PPP1R1B: variants seen among roughly 807,000 people sequenced by gnomAD.
PPP1R1B encodes protein phosphatase 1 regulatory subunit 1B.
In PPP1R1B, 13 loss-of-function variants were observed where a neutral mutation model predicts 28.2. That is an observed-to-expected ratio of 0.46 (90% CI 0.30 to 0.73). The LOEUF is 0.73. Ranked by LOEUF, PPP1R1B falls within the 30% of genes least tolerant of loss-of-function variation. The pLI, the probability that PPP1R1B is intolerant of heterozygous loss-of-function variation, is 0.07. For missense variants in PPP1R1B, 236 were observed against 256.7 expected (o/e 0.92, Z 0.55); for synonymous variants, 102 against 97.5 (o/e 1.05, Z -0.27).
chr17:39,633,644 T>A, intron 4 of PPP1R1B: 1 of 513,862 alleles, frequency 1.9e-6, no homozygotes, highest in South Asian at 2.1e-5. Flanking sequence ...GCCTGGGGGC[T>A]AGCATCTTAG....
At chr17:39,629,119 G>A in intron 1 of PPP1R1B, 51 bp from the exon 2 acceptor site, 4 of 1,559,466 alleles carry the variant, frequency 2.6e-6, no homozygotes, top group Non-Finnish European at 2.6e-6. Context: ...GCCTGGGGGT[G>A]GGGGAGGGCT....
chr17:39,634,584 G>A (rs536998762), intron 5 of PPP1R1B, among the ~76,000 whole-genome samples: 1 of 152,178 alleles, frequency 6.6e-6, no homozygotes, highest in East Asian at 1.9e-4. Flanking sequence ...GAGTGGGAGG[G>A]TGCCCTCTAG....
Position 39,633,884 on chromosome 17 carries a change from T to C in PPP1R1B, c.243T>C (p.Ala81=). The change falls in exon 5 of 7, where the codon GCT becomes GCC. Residue 81 remains alanine (A), a splice_region_variant and synonymous_variant. Coordinates refer to ENST00000254079, the MANE Select transcript of PPP1R1B (RefSeq NM_032192.4). ...PCAYTPPSLK[A]VQRIAESHLQ... is the part of the protein sequence containing the mutation. ...TTTCCTCGGTCTCCTCTGTGCCAGC[T>C]GTGCAGCGCATTGCTGAGTCTCACC... 1 of 1,613,564 alleles carries C rather than the reference T, an allele frequency of 6.2e-7. No individual in the cohort carries two copies. Among genetic ancestry groups the C allele is most frequent in the Non-Finnish European group, 8.5e-7 (1 of 1,179,768 alleles).
chr17:39,633,902 G>A lies in PPP1R1B; in HGVS notation c.261G>A (p.Glu87=), dbSNP rs150025624. 6 of 1,613,676 alleles carry A rather than the reference G, an allele frequency of 3.7e-6. No individual in the cohort carries two copies. Among genetic ancestry groups the A allele is most frequent in the African/African-American group, 2.7e-5 (2 of 74,940 alleles). Residue 87 remains glutamate, a synonymous_variant, in exon 5 of 7, where the codon GAG becomes GAA. Coordinates refer to ENST00000254079, the MANE Select transcript of PPP1R1B (RefSeq NM_032192.4). ...TGCCAGCTGTGCAGCGCATTGCTGA[G>A]TCTCACCTGCAGTCTATCAGCAATT... is the stretch of plus-strand genomic sequence containing the variant. The part of the protein sequence containing the change: ...PSLKAVQRIA[E]SHLQSISNLN...
chr17:39,628,414 A>C, intron 1 of PPP1R1B: 3 of 592,342 alleles, frequency 5.1e-6, no homozygotes, highest in Non-Finnish European at 6.0e-6. Flanking sequence ...ATTAACTGAC[A>C]GTTGGTCTGA....
chr17:39,635,206 A>C (rs2056908245), intron 5 of PPP1R1B, among the ~76,000 whole-genome samples: 1 of 152,074 alleles, frequency 6.6e-6, no homozygotes, highest in Non-Finnish European at 1.5e-5. Flanking sequence ...AAAAACAAAA[A>C]CAAAAAACCA....
In PPP1R1B at chr17:39,627,233, C is replaced by T. The variant is rs1191637960; in HGVS notation, c.-160C>T. On this transcript the variant is annotated 5_prime_UTR_variant, in exon 1 of 7. Coordinates refer to ENST00000254079, the MANE Select transcript of PPP1R1B (RefSeq NM_032192.4). ...CGGGCGCCGACCCTCCTCCCGCTCC[C>T]GCGCCCTCCCCTCGGCGGGCACGGT... is the stretch of plus-strand genomic sequence containing the variant. The T allele has an allele frequency of 5.6e-6, 3 of 539,708 alleles. No individual in the cohort carries two copies. The highest frequency in any genetic ancestry group is 3.6e-5 in the East Asian group (1 of 28,156). 33.4% of individuals were successfully genotyped at this position (539,708 alleles called of 1,614,324 possible).
In PPP1R1B at chr17:39,630,050, A is replaced by G; in HGVS notation, c.241+3A>G. The G allele has an allele frequency of 6.2e-7, 1 of 1,613,850 alleles. No individual in the cohort carries two copies. On this transcript the variant is annotated splice_donor_region_variant and intron_variant, in intron 4 of 6. Coordinates refer to ENST00000254079, the MANE Select transcript of PPP1R1B (RefSeq NM_032192.4). The stretch of plus-strand genomic sequence containing the variant: ...CTACACACCACCTTCGCTGAAAGGT[A>G]CTATACCCCCACCGACCTTCCTGGC...
rs33938012 is a variant in PPP1R1B, at chr17:39,628,947, T to G, written c.82-223T>G. On this transcript the variant is annotated intron_variant, in intron 1 of 6. Transcript: ENST00000254079. ...GGGTTTTTCTCGTCCTTTGGACTTGTTGTGCTGTGTGGCCTTAAGCACATT... is the reference window on the plus strand; with the variant it reads ...GGGTTTTTCTCGTCCTTTGGACTTGGTGTGCTGTGTGGCCTTAAGCACATT... Among the ~76,000 whole-genome samples the G allele has an allele frequency of 0.1, 15,697 of 152,228 alleles. 1,741 individuals are homozygous for G. The highest frequency in any genetic ancestry group is 0.28 in the African/African-American group (11,671 of 41,502).
Position 39,627,295 on chromosome 17 carries a change from T to C in PPP1R1B, c.-98T>C. On this transcript the variant is annotated 5_prime_UTR_variant, in exon 1 of 7. Coordinates refer to ENST00000254079, the MANE Select transcript of PPP1R1B (RefSeq NM_032192.4). The stretch of plus-strand genomic sequence containing the variant: ...TGCGCGAACAGCCCTCCTCCTCCTC[T>C]CGCCGCACAGCCCGCCGCCTGCGCG... 1.3e-6 allele frequency: 1 copy of C among 797,478 alleles called. No homozygotes were observed. The highest frequency in any genetic ancestry group is 1.9e-5 in the South Asian group (1 of 53,402). 49.4% of individuals were successfully genotyped at this position (797,478 alleles called of 1,614,324 possible). A position where few individuals can be genotyped will look rare whatever the true frequency, so the allele number is the denominator to read the frequency against.
chr17:39,636,130 C>T lies in PPP1R1B; in HGVS notation c.*265C>T. The T allele has an allele frequency of 1.9e-6, 1 of 521,168 alleles. No homozygotes were observed. The highest frequency in any genetic ancestry group is 2.3e-5 in the South Asian group (1 of 43,394). The allele number at this position is 521,168 out of a possible 1,614,324, so 32.3% of individuals were successfully genotyped here. On this transcript the variant is annotated 3_prime_UTR_variant, in exon 7 of 7. Transcript: ENST00000254079. ...GCGGGAGGTGGGATGTGAGACAGCC[C>T]ACATTGGAAAATCCAGAAAACCGGG...
At chr17:39,628,759 C>T in intron 1 of PPP1R1B, 5 of 976,080 alleles carry the variant, frequency 5.1e-6, no homozygotes, top group Non-Finnish European at 6.1e-6. Context: ...CCCCAGAGGG[C>T]CCAGCCGTGG....
At chr17:39,629,353 G>A in intron 2 of PPP1R1B, 123 bp downstream of exon 2, 1 of 1,287,312 alleles carries the variant, frequency 7.8e-7, no homozygotes. Flanking sequence ...TAAGGTCTGG[G>A]AACCCAACTC....
At position 39,627,136 on chromosome 17, in the gene PPP1R1B, G is replaced by A; in HGVS notation, c.-257G>A. The A allele has an allele frequency of 6.7e-6, 3 of 446,742 alleles. No individual in the cohort carries two copies. The highest frequency in any genetic ancestry group is 8.3e-5 in the South Asian group (2 of 24,082). The allele number at this position is 446,742 out of a possible 1,614,324, so 27.7% of individuals were successfully genotyped here. The stretch of plus-strand genomic sequence containing the variant: ...CCCAGGCCGGGGAGCGCGAGGGAGC[G>A]AGGCACAGACCTGGCTCAGCGAGCG... On this transcript the variant is annotated 5_prime_UTR_variant, in exon 1 of 7. Transcript: ENST00000254079.
chr17:39,633,147 T>C (rs1292433809), intron 4 of PPP1R1B: 1 of 152,892 alleles, frequency 6.5e-6, no homozygotes, highest in African/African-American at 2.4e-5. Flanking sequence ...TCTGAGCAGG[T>C]CTTTGGAGGC....
chr17:39,627,549 C>G, intron 1 of PPP1R1B, 76 bp downstream of exon 1: 1 of 979,564 alleles, frequency 1.0e-6, no homozygotes, highest in Non-Finnish European at 1.5e-6. Flanking sequence ...CAAGGCGCTG[C>G]CCCGGCCGGA....
rs139765113 is a variant in PPP1R1B at position 39,635,222 on chromosome 17, AAAC to A, written c.446-379_446-377del. Among the ~76,000 whole-genome samples, 1,332 of 152,124 alleles carry A rather than the reference AAAC, an allele frequency of 8.8e-3. 18 individuals carry two copies. The highest frequency in any genetic ancestry group is 0.031 in the African/African-American group (1,277 of 41,468). On this transcript the variant is annotated intron_variant, in intron 5 of 6. Coordinates refer to ENST00000254079, the MANE Select transcript of PPP1R1B (RefSeq NM_032192.4). Reference sequence around the variant, plus strand: ...AAAACAAAAACAAAAAACCAAAACAAAACAACAAAAAAAAACAAACAAACAAAA... The same window carrying A: ...AAAACAAAAACAAAAAACCAAAACAAAACAAAAAAAAACAAACAAACAAAA...
Position 39,635,949 on chromosome 17 carries a change from G to T in PPP1R1B, c.*84G>T. On this transcript the variant is annotated 3_prime_UTR_variant, in exon 7 of 7. Coordinates refer to ENST00000254079, the MANE Select transcript of PPP1R1B (RefSeq NM_032192.4). ...CCACTCTATCCTCACCCTGTTTTGT[G>T]CTCTTCCCCTCGCCTGCTAGGGCTG... 1.4e-6 allele frequency: 2 copies of T among 1,470,550 alleles called. No individual in the cohort carries two copies. Among genetic ancestry groups the T allele is most frequent in the Non-Finnish European group, 1.9e-6 (2 of 1,070,598 alleles). The allele number at this position is 1,470,550 out of a possible 1,614,324, so 91.1% of individuals were successfully genotyped here. A position where few individuals can be genotyped will look rare whatever the true frequency, so the allele number is the denominator to read the frequency against.
At chr17:39,629,685 A>G (rs1323349424) in intron 3 of PPP1R1B, 123 bp downstream of exon 3, 2 of 994,336 alleles carry the variant, frequency 2.0e-6, no homozygotes, top group Non-Finnish European at 3.0e-6. Flanking sequence ...TAGCATATCA[A>G]TGGGCAGTCC....
Sources: allele counts gnomAD v4.1 joint callset (sites outside exome capture counted in the v4.1 genomes callset), GRCh38; gene constraint gnomAD v4.1.1; transcripts MANE v1.5; gene names NCBI Gene and HGNC (gene_info 2026-07-23, HGNC 2026-07-21).